Variants in RERE observed in about 807,000 individuals in gnomAD.
The protein encoded by RERE is arginine-glutamic acid dipeptide repeats protein.
A neutral mutation model predicts 146.1 loss-of-function variants in RERE; 40 were observed. The ratio of observed to expected loss-of-function variants is 0.27; its 90% CI spans 0.21 to 0.36. RERE has a LOEUF of 0.36. RERE is among the 10% of genes least tolerant of loss of function. RERE has a pLI of 1.00. For synonymous variants in RERE, 1,003 were observed against 866.0 expected (o/e 1.16, Z -2.78); for missense variants, 1,933 against 2,138.7 (o/e 0.90, Z 1.90).
At chr1:8,714,021 T>C (rs1331727450) in intron 1 of RERE, among the ~76,000 whole-genome samples, 2 of 152,194 alleles carry the variant, frequency 1.3e-5, no homozygotes, top group African/African-American at 4.8e-5. Flanking sequence ...CATTTGGCTT[T>C]TAAAGGGTAG....
At chr1:8,560,490 T>C (rs927393396) in intron 4 of RERE, among the ~76,000 whole-genome samples, 1 of 152,180 alleles carries the variant, frequency 6.6e-6, no homozygotes, top group Non-Finnish European at 1.5e-5. Flanking sequence ...GATGGCCTAC[T>C]GGAAAGAAGA....
Position 8,593,808 on chromosome 1 carries a change from T to C in RERE, c.522+20753A>G, listed in dbSNP as rs6577504. ...TCCTATTGGTGAGCCACCATTTGAA[T>C]AGCACTGGTCTAGAGCATGGACTTT... On this transcript the variant is annotated intron_variant, in intron 4 of 22. Transcript: ENST00000400908. 3.3e-3 allele frequency among the ~76,000 whole-genome samples: 499 copies of C among 152,268 alleles called. 2 individuals are homozygous for C. The highest frequency in any genetic ancestry group is 0.011 in the African/African-American group (477 of 41,544).
intron 11 of RERE, among the ~76,000 whole-genome samples, chr1:8,427,378 T>C (rs1313381882): frequency 6.6e-6 from 1 of 152,176 alleles, no homozygotes; most frequent in Non-Finnish European, 1.5e-5. Flanking sequence ...GGCTTTCTGC[T>C]ATATATATCC....
At chr1:8,359,726 C>A in intron 19 of RERE, 38 bp downstream of exon 19, 1 of 1,591,654 alleles carries the variant, frequency 6.3e-7, no homozygotes, top group Non-Finnish European at 8.5e-7. Flanking sequence ...CAGGATGGAC[C>A]AGCGCCCCCC....
chr1:8,440,702 A>G (rs1198310631), intron 11 of RERE, among the ~76,000 whole-genome samples: 1 of 148,354 alleles, frequency 6.7e-6, no homozygotes, highest in Non-Finnish European at 1.5e-5. Flanking sequence ...CCTGGCCAAC[A>G]TGGTGAAACC....
At chr1:8,545,606 C>G (rs1645849066) in intron 6 of RERE, among the ~76,000 whole-genome samples, 1 of 150,602 alleles carries the variant, frequency 6.6e-6, no homozygotes, top group African/African-American at 2.4e-5. Context: ...CTGTTGAAAG[C>G]TATTATTATC....
intron 10 of RERE, among the ~76,000 whole-genome samples, chr1:8,471,416 A>G (rs1644683559): frequency 6.6e-6 from 1 of 151,862 alleles, no homozygotes; most frequent in Non-Finnish European, 1.5e-5. Context: ...GGGCTCAAGC[A>G]GTCCTCCCAC....
chr1:8,428,568 T>C (rs1214042615), intron 11 of RERE: 1 of 152,212 alleles, frequency 6.6e-6, no homozygotes, highest in Non-Finnish European at 1.5e-5. Flanking sequence ...TAGAGAAAAT[T>C]TAACTTCTGG....
At position 8,354,681 on chromosome 1, in the gene RERE, G is replaced by A; in HGVS notation, c.*406C>T. Reference sequence around the variant, plus strand: ...TTCCAAATTCCTATGCCCCCGATCTGCAAGCCTCGTGGGCTCTGGAGCACT... The same window carrying A: ...TTCCAAATTCCTATGCCCCCGATCTACAAGCCTCGTGGGCTCTGGAGCACT... On this transcript the variant is annotated 3_prime_UTR_variant, in exon 23 of 23. Coordinates refer to ENST00000400908, the MANE Select transcript of RERE (RefSeq NM_001042681.2). The A allele has an allele frequency of 5.7e-6, 1 of 175,790 alleles. No individual in the cohort carries two copies. The highest frequency in any genetic ancestry group is 1.5e-4 in the East Asian group (1 of 6,594). The allele number at this position is 175,790 out of a possible 1,614,324, so 10.9% of individuals were successfully genotyped here.
rs528574428 is a variant in RERE, at chr1:8,664,903, A to C, written c.-144-8462T>G. Among the ~76,000 whole-genome samples the C allele has an allele frequency of 2.1e-3, 327 of 152,324 alleles. 2 individuals carry two copies. In the Middle Eastern group the frequency reaches 0.061, roughly 29 times the overall value. ...CTGCAGCCAGGGTGTTCCTTTAAAA[A>C]GGCTAATGACATTATGTCAATCCCC... is the stretch of plus-strand genomic sequence containing the variant. On this transcript the variant is annotated intron_variant, in intron 1 of 22. Coordinates refer to ENST00000400908, the MANE Select transcript of RERE (RefSeq NM_001042681.2).
At chr1:8,758,593 C>T (rs1340176383) in intron 1 of RERE, among the ~76,000 whole-genome samples, 10 of 151,578 alleles carry the variant, frequency 6.6e-5, no homozygotes, top group African/African-American at 2.4e-4. Flanking sequence ...GACGAGGTCT[C>T]GCCAAGCTGG....
At chr1:8,516,244 A>AAAAAAAAAAAAAAAAAAAAAAAAAC (rs1645415581) in intron 7 of RERE, among the ~76,000 whole-genome samples, 1 of 150,446 alleles carries the variant, frequency 6.6e-6, no homozygotes. Context: ...AAAAAAAAAA[A>AAAAAAAAAAAAAAAAAAAAAAAAAC]AAAAATCTAG....
At chr1:8,479,299 AT>A (rs535214061) in intron 10 of RERE, among the ~76,000 whole-genome samples, 2,089 of 151,504 alleles carry the variant, frequency 0.014, 49 homozygotes, top group African/African-American at 0.048. Context: ...TATTTTTTAA[AT>A]TTTTTTTAAA....
intron 2 of RERE, among the ~76,000 whole-genome samples, chr1:8,642,700 G>A (rs775516147): frequency 2.0e-5 from 3 of 152,146 alleles, no homozygotes; most frequent in African/African-American, 4.8e-5. Flanking sequence ...AAGTGTAACA[G>A]TGTCCTTCAA....
chr1:8,738,152 C>G (rs1436900972), intron 1 of RERE, among the ~76,000 whole-genome samples: 1 of 152,016 alleles, frequency 6.6e-6, no homozygotes, highest in Non-Finnish European at 1.5e-5. Flanking sequence ...TCCCTGCCCT[C>G]TCTTCACGGG....
intron 7 of RERE, among the ~76,000 whole-genome samples, chr1:8,539,086 C>T (rs1645764663): frequency 2.0e-5 from 3 of 152,254 alleles, no homozygotes; most frequent in African/African-American, 7.2e-5. Flanking sequence ...AGTTAAAAGA[C>T]AAAAGCTACT....
At chr1:8,447,253 C>T (rs888904897) in intron 11 of RERE, among the ~76,000 whole-genome samples, 6 of 151,784 alleles carry the variant, frequency 4.0e-5, no homozygotes, top group South Asian at 2.1e-4. Context: ...TCCTTTAGCT[C>T]GGAGGAGTTT....
At chr1:8,787,544 T>C (rs992215267) in intron 1 of RERE, among the ~76,000 whole-genome samples, 1 of 151,960 alleles carries the variant, frequency 6.6e-6, no homozygotes, top group African/African-American at 2.4e-5. Context: ...AAAACAGTGC[T>C]TTGGCCAGGC....
At chr1:8,724,349 T>C (rs961112452) in intron 1 of RERE, among the ~76,000 whole-genome samples, 2 of 152,146 alleles carry the variant, frequency 1.3e-5, no homozygotes, top group African/African-American at 4.8e-5. Flanking sequence ...TATTTCAAGA[T>C]ACAGAGAGAC....
Sources: allele counts gnomAD v4.1 joint callset (sites outside exome capture counted in the v4.1 genomes callset), GRCh38; gene constraint gnomAD v4.1.1; transcripts MANE v1.5; gene names NCBI Gene and HGNC (gene_info 2026-07-23, HGNC 2026-07-21).